DENND4C: variants seen among roughly 807,000 people sequenced by gnomAD.
DENND4C encodes DENN domain-containing protein 4C.
A neutral mutation model predicts 203.0 loss-of-function variants in DENND4C; 108 were observed. That is an observed-to-expected ratio of 0.53 (90% CI 0.46 to 0.62). The LOEUF is 0.62. Ranked by LOEUF, DENND4C falls within the 20% of genes least tolerant of loss-of-function variation. The pLI, the probability that DENND4C is intolerant of heterozygous loss-of-function variation, is 0.00. For missense variants in DENND4C, 2,481 were observed against 2,301.2 expected, an observed-to-expected ratio of 1.08 and a Z score of -1.60; for synonymous variants, 871 against 792.4, an observed-to-expected ratio of 1.10 and a Z score of -1.67.
chr9:19,250,454 T>C (rs923545864), intron 1 of DENND4C, among the ~76,000 whole-genome samples: 2 of 152,038 alleles, frequency 1.3e-5, no homozygotes, highest in African/African-American at 4.8e-5. Flanking sequence ...CTTGAACTCC[T>C]AATCTCAAGT....
intron 25 of DENND4C, 103 bp downstream of exon 25, chr9:19,352,285 TAAA>T: frequency 8.6e-7 from 1 of 1,160,790 alleles, no homozygotes; most frequent in Non-Finnish European, 1.2e-6. Flanking sequence ...GACAGTATAA[TAAA>T]ATAAGTCATT....
chr9:19,277,899 A>G (rs77309687), intron 2 of DENND4C, among the ~76,000 whole-genome samples: 2,367 of 152,202 alleles, frequency 0.016, 54 homozygotes, highest in African/African-American at 0.054. Flanking sequence ...CCTTTTGTCA[A>G]TTGAGATGAT....
At position 19,346,343 on chromosome 9, in the gene DENND4C, G is replaced by T. The variant is rs942873463; in HGVS notation, c.3574G>T (p.Val1192Phe). The T allele has an allele frequency of 6.2e-7, 1 of 1,614,160 alleles. No homozygotes were observed. Among genetic ancestry groups the T allele is most frequent in the Non-Finnish European group, 8.5e-7 (1 of 1,180,028 alleles). Residue 1192 changes from valine (V) to phenylalanine (F), a missense_variant, in exon 23 of 33, where the codon GTT becomes TTT. Val to Phe is a conservative substitution (Grantham distance 50, BLOSUM62 -1). Coordinates refer to ENST00000434457, the MANE Select transcript of DENND4C (RefSeq NM_001330640.2). ...EESQELLEPVVDDVPKTTATV... is the reference protein window; with the variant it reads ...EESQELLEPVFDDVPKTTATV... ...AAGCCAAGAACTCCTTGAGCCTGTG[G>T]TTGATGACGTACCTAAAACTACTGC...
intron 10 of DENND4C, among the ~76,000 whole-genome samples, chr9:19,313,188 A>G (rs1841086857): frequency 6.6e-6 from 1 of 152,090 alleles, no homozygotes; most frequent in Non-Finnish European, 1.5e-5. Flanking sequence ...TAATATGGGT[A>G]CTTAGAACTT....
intron 1 of DENND4C, among the ~76,000 whole-genome samples, chr9:19,262,076 C>CTTTT (rs60223074): frequency 9.0e-5 from 5 of 55,528 alleles, no homozygotes; most frequent in African/African-American, 1.8e-4. Context: ...TTTATTAGTT[C>CTTTT]TTTTTTTTTT....
At chr9:19,326,232 T>G (rs751900291) in intron 15 of DENND4C, 38 bp downstream of exon 15, 2 of 1,564,744 alleles carry the variant, frequency 1.3e-6, no homozygotes, top group South Asian at 1.2e-5. Context: ...TGGCACAGCC[T>G]ATCAGTTTCT....
rs1453776445 is a variant in DENND4C at position 19,299,305 on chromosome 9, A to G, written c.1166+18A>G. ...CCACTAAGGTAATTACTGGTATTTA[A>G]AATGATATATTTATTCAGTTGGAGC... is the stretch of plus-strand genomic sequence containing the variant. On this transcript the variant is annotated intron_variant, in intron 8 of 32. Transcript: ENST00000434457. The G allele has an allele frequency of 6.6e-7, 1 of 1,512,826 alleles. No individual in the cohort carries two copies. The highest frequency in any genetic ancestry group is 9.0e-7 in the Non-Finnish European group (1 of 1,113,420). 93.7% of individuals were successfully genotyped at this position (1,512,826 alleles called of 1,614,324 possible). A position where few individuals can be genotyped will look rare whatever the true frequency, so the allele number is the denominator to read the frequency against.
chr9:19,277,144 T>C (rs1043230575), intron 2 of DENND4C, among the ~76,000 whole-genome samples: 1 of 152,132 alleles, frequency 6.6e-6, no homozygotes, highest in African/African-American at 2.4e-5. Flanking sequence ...GTGTTTTGTT[T>C]ATTATCATTA....
chr9:19,364,746 T>A (rs566777204), intron 30 of DENND4C, among the ~76,000 whole-genome samples: 23 of 152,094 alleles, frequency 1.5e-4, no homozygotes, highest in East Asian at 9.7e-4. Flanking sequence ...TACAAAAAAA[T>A]TTGCCAGGTG....
chr9:19,237,314 C>T (rs888675575), intron 1 of DENND4C, among the ~76,000 whole-genome samples: 2 of 151,752 alleles, frequency 1.3e-5, no homozygotes, highest in African/African-American at 4.8e-5. Flanking sequence ...CCACCACGCC[C>T]GGCCGACAGC....
At chr9:19,360,917 A>G (rs923938946) in intron 29 of DENND4C, among the ~76,000 whole-genome samples, 2 of 152,200 alleles carry the variant, frequency 1.3e-5, no homozygotes, top group African/African-American at 4.8e-5. Flanking sequence ...AATGTTGCCC[A>G]GGCTGGAGTG....
chr9:19,372,509 T>C lies in DENND4C; in HGVS notation c.*336T>C, dbSNP rs1829011286. 1 of 180,870 alleles carries C rather than the reference T, an allele frequency of 5.5e-6. No individual in the cohort carries two copies. The highest frequency in any genetic ancestry group is 1.1e-5 in the Non-Finnish European group (1 of 87,280). 11.2% of individuals were successfully genotyped at this position (180,870 alleles called of 1,614,324 possible). Reference sequence around the variant, plus strand: ...TTCTAGGCATTGTTTATATTTGAAGTTACTGAGTTTGAGGAATGGCAAATT... The same window carrying C: ...TTCTAGGCATTGTTTATATTTGAAGCTACTGAGTTTGAGGAATGGCAAATT... On this transcript the variant is annotated 3_prime_UTR_variant, in exon 33 of 33. Transcript: ENST00000434457.
At chr9:19,282,213 TAA>T (rs924678095) in intron 2 of DENND4C, among the ~76,000 whole-genome samples, 6 of 151,964 alleles carry the variant, frequency 3.9e-5, no homozygotes, top group African/African-American at 9.7e-5. Flanking sequence ...CTTATTTTAT[TAA>T]GTTTTTTTGT....
chr9:19,256,307 T>C (rs1564091355), intron 1 of DENND4C, among the ~76,000 whole-genome samples: 1 of 71,370 alleles, frequency 1.4e-5, no homozygotes, highest in African/African-American at 6.5e-5. Context: ...GTTTTTTTTT[T>C]TGTTTTTTTT....
intron 15 of DENND4C, 104 bp downstream of exon 15, chr9:19,326,298 A>T (rs571389894): frequency 7.2e-6 from 9 of 1,252,952 alleles, no homozygotes; most frequent in South Asian, 5.7e-5. Context: ...CATTTTCAGT[A>T]TTAGTTCAGT....
chr9:19,324,253 A>G (rs1223595440), intron 12 of DENND4C, 109 bp from the exon 13 acceptor site: 22 of 710,080 alleles, frequency 3.1e-5, no homozygotes, highest in Middle Eastern at 4.2e-4. Flanking sequence ...ATGGATATAT[A>G]TATGTATATA....
intron 1 of DENND4C, among the ~76,000 whole-genome samples, chr9:19,247,550 C>T (rs891266259): frequency 5.9e-5 from 9 of 152,122 alleles, no homozygotes; most frequent in African/African-American, 1.9e-4. Flanking sequence ...TGCATACTAC[C>T]ACACCTGGCT....
chr9:19,286,817 C>T lies in DENND4C; in HGVS notation c.354C>T (p.Ile118=), dbSNP rs1297062171. 2.4e-6 allele frequency: 3 copies of T among 1,232,086 alleles called. No individual in the cohort carries two copies. The South Asian group carries it at 1.2e-4, about 51-fold the overall frequency. The allele number at this position is 1,232,086 out of a possible 1,614,324, so 76.3% of individuals were successfully genotyped here. Residue 118 remains isoleucine (I), a synonymous_variant, in exon 3 of 33, where the codon ATC becomes ATT. Coordinates refer to ENST00000434457, the MANE Select transcript of DENND4C (RefSeq NM_001330640.2). The stretch of plus-strand genomic sequence containing the variant: ...GGCTTATTCCAGGATGTGAAGTGAT[C>T]CTAGCCACACCCTATGGTCGCTGTG... ...KERLIPGCEV[I]LATPYGRCAN... is the part of the protein sequence containing the mutation.
chr9:19,311,238 C>T (rs1300364647), intron 10 of DENND4C, among the ~76,000 whole-genome samples: 1 of 152,086 alleles, frequency 6.6e-6, no homozygotes, highest in Non-Finnish European at 1.5e-5. Flanking sequence ...ATTCTTGTGC[C>T]TCAGCCTTCT....
Sources: gnomAD v4.1 joint callset for allele counts (sites outside exome capture counted in the v4.1 genomes callset) on GRCh38, gnomAD v4.1.1 for gene constraint, MANE v1.5 for transcripts, NCBI Gene and HGNC (gene_info 2026-07-23, HGNC 2026-07-21) for gene names.